MAN2A2: variants seen among roughly 807,000 people sequenced by gnomAD.
MAN2A2 encodes mannosidase alpha class 2A member 2.
MAN2A2 carries 79 observed loss-of-function variants against 126.8 expected under a neutral mutation model. The observed-to-expected ratio is 0.62, with a 90% CI of 0.52 to 0.75. The LOEUF (loss-of-function observed/expected upper bound fraction) is 0.75. Among genes scored for constraint, MAN2A2 ranks in the 30% least tolerant of loss-of-function variants. The probability of loss-of-function intolerance (pLI) is 0.00; values close to 1 mark genes in which losing one functional copy is unlikely to be tolerated. For synonymous variants in MAN2A2, 671 were observed against 618.7 expected, an observed-to-expected ratio of 1.08 and a Z score of -1.25; for missense variants, 1,392 against 1,522.4, an observed-to-expected ratio of 0.91 and a Z score of 1.43.
Position 90,921,770 on chromosome 15 carries a change from C to T in MAN2A2, c.*1983C>T, listed in dbSNP as rs1315516437. ...CCTGTGTCTACTAAAAATACAAAAA[C>T]TAGCCAGGAATGGTGGCGCGCGCCT... On this transcript the variant is annotated 3_prime_UTR_variant, in exon 23 of 23. Transcript: ENST00000559717. The T allele has an allele frequency of 2.6e-5, 4 of 152,070 alleles. No individual in the cohort carries two copies. Among genetic ancestry groups the T allele is most frequent in the African/African-American group, 9.7e-5 (4 of 41,396 alleles). 9.4% of individuals were successfully genotyped at this position (152,070 alleles called of 1,614,324 possible).
chr15:90,913,253 C>A lies in MAN2A2; in HGVS notation c.2585-20C>A, dbSNP rs748111566. 1.9e-6 allele frequency: 3 copies of A among 1,612,696 alleles called. No homozygotes were observed. Among genetic ancestry groups the A allele is most frequent in the Admixed American group, 1.7e-5 (1 of 59,890 alleles). The stretch of plus-strand genomic sequence containing the variant: ...TCAGCCTCACACCTGTCCATGCCCC[C>A]ACTTTGTTCCTGTACCCAGGGGTGG... On this transcript the variant is annotated intron_variant, in intron 17 of 22. Coordinates refer to ENST00000559717, the MANE Select transcript of MAN2A2 (RefSeq NM_006122.4).
Position 90,905,315 on chromosome 15 carries a change from A to C in MAN2A2, c.197A>C (p.Glu66Ala), listed in dbSNP as rs2034178828. 1 of 1,613,788 alleles carries C rather than the reference A, an allele frequency of 6.2e-7. No individual in the cohort carries two copies. The highest frequency in any genetic ancestry group is 1.7e-5 in the Admixed American group (1 of 60,004). ...QLEQLLEENH[E>A]IISHIKDSVL... ...GAGCAGCTTTTGGAGGAGAACCATG[A>C]GATTATCAGCCATATCAAGGACTCC... The change falls in exon 3 of 23, where the codon GAG (glutamate) becomes GCG (alanine). Residue 66 changes from glutamate (E) to alanine (A), a missense_variant. By Grantham distance (107) the Glu-to-Ala change is moderately radical. Coordinates refer to ENST00000559717, the MANE Select transcript of MAN2A2 (RefSeq NM_006122.4).
chr15:90,919,218 A>G (rs971655028), intron 22 of MAN2A2, among the ~76,000 whole-genome samples: 5 of 152,206 alleles, frequency 3.3e-5, no homozygotes, highest in African/African-American at 1.2e-4. Context: ...AATCTCAGCA[A>G]GCCCGTGAGA....
At position 90,920,779 on chromosome 15, in the gene MAN2A2, G is replaced by A. The variant is rs1305637593; in HGVS notation, c.*992G>A. ...TTTAGTCTATCTGCAGAGGTATTCA[G>A]TTCCTGGCACAGGGGACTAGGGGCA... On this transcript the variant is annotated 3_prime_UTR_variant, in exon 23 of 23. Coordinates refer to ENST00000559717, the MANE Select transcript of MAN2A2 (RefSeq NM_006122.4). 1 of 152,236 alleles carries A rather than the reference G, an allele frequency of 6.6e-6. No individual in the cohort carries two copies. The highest frequency in any genetic ancestry group is 1.5e-5 in the Non-Finnish European group (1 of 68,064). The allele number at this position is 152,236 out of a possible 1,614,324, so 9.4% of individuals were successfully genotyped here.
In MAN2A2 at chr15:90,922,366, C is replaced by T. The variant is rs2035580181; in HGVS notation, c.*2579C>T. On this transcript the variant is annotated 3_prime_UTR_variant, in exon 23 of 23. Coordinates refer to ENST00000559717, the MANE Select transcript of MAN2A2 (RefSeq NM_006122.4). The stretch of plus-strand genomic sequence containing the variant: ...CAGTGGAACCCCATTTATATCATAG[C>T]AGAAGAAATAGGATTATCAATGTGA... 1 of 152,146 alleles carries T rather than the reference C, an allele frequency of 6.6e-6. No individual in the cohort carries two copies. Among genetic ancestry groups the T allele is most frequent in the Non-Finnish European group, 1.5e-5 (1 of 68,032 alleles). 9.4% of individuals were successfully genotyped at this position (152,146 alleles called of 1,614,324 possible).
intron 1 of MAN2A2, 66 bp from the exon 2 acceptor site, chr15:90,904,124 A>C: frequency 6.4e-7 from 1 of 1,558,636 alleles, no homozygotes; most frequent in South Asian, 1.1e-5. Flanking sequence ...TCACTGGGGT[A>C]TTTGGTGGAA....
intron 20 of MAN2A2, chr15:90,916,551 C>T: frequency 7.1e-7 from 1 of 1,404,086 alleles, no homozygotes; most frequent in South Asian, 1.2e-5. Context: ...TGTGCTCCAA[C>T]CCCGCTCATC....
rs143693917 is a variant in MAN2A2, at chr15:90,912,081, C to T, written c.2148C>T (p.Gly716=). The part of the protein sequence containing the change: ...VPVRLPALGL[G]VLQLQLGLDG... ...TCCGCCTGCCAGCCCTGGGCCTGGGCGTGCTGCAGCTACAGCTGGGCCTGG... is the reference window on the plus strand; with the variant it reads ...TCCGCCTGCCAGCCCTGGGCCTGGGTGTGCTGCAGCTACAGCTGGGCCTGG... Residue 716 remains glycine (G), a synonymous_variant, in exon 15 of 23, where the codon GGC becomes GGT. Transcript: ENST00000559717. 1.9e-5 allele frequency: 30 copies of T among 1,612,916 alleles called. No homozygotes were observed. The highest frequency in any genetic ancestry group is 5.5e-5 in the South Asian group (5 of 91,060).
chr15:90,919,833 C>T lies in MAN2A2; in HGVS notation c.*46C>T. On this transcript the variant is annotated 3_prime_UTR_variant, in exon 23 of 23. Coordinates refer to ENST00000559717, the MANE Select transcript of MAN2A2 (RefSeq NM_006122.4). ...GAAAGTTCATTCACAGAGACTGCCT[C>T]TTAACATGAAGATCATTGGACAAGC... The T allele has an allele frequency of 6.2e-7, 1 of 1,607,446 alleles. No individual in the cohort carries two copies. Among genetic ancestry groups the T allele is most frequent in the South Asian group, 1.1e-5 (1 of 90,598 alleles).
intron 19 of MAN2A2, among the ~76,000 whole-genome samples, chr15:90,914,155 C>A (rs1201640918): frequency 6.6e-6 from 1 of 152,160 alleles, no homozygotes; most frequent in Non-Finnish European, 1.5e-5. Context: ...AAAGCGAGAC[C>A]CAGGCTCTAC....
rs1273658327 is a variant in MAN2A2 at position 90,912,835 on chromosome 15, CCT to C, written c.2470-39_2470-38del. ...CTGGGCTGGCACCTTCCTGCTTTGC[CCT>C]CTGTGCTGTAGTTTCAACAGCAATC... On this transcript the variant is annotated intron_variant, in intron 16 of 22. Coordinates refer to ENST00000559717, the MANE Select transcript of MAN2A2 (RefSeq NM_006122.4). 1.9e-6 allele frequency: 3 copies of C among 1,580,184 alleles called. No homozygotes were observed. The East Asian group carries it at 6.7e-5, about 36-fold the overall frequency.
chr15:90,902,775 GGGGCCGGCGCAGCGGA>G (rs1339926306), upstream of MAN2A2: 3 of 145,986 alleles, frequency 2.1e-5, no homozygotes, highest in Admixed American at 6.8e-5. Flanking sequence ...GGACCCGCGC[GGGGCCGGCGCAGCGGA>G]GCGCGCCGGC....
rs549210535 is a variant in MAN2A2 at position 90,909,584 on chromosome 15, C to G, written c.1374+80C>G. ...CCCGTGAGACCGTGCCCTGGGTTCC[C>G]AACTCGGGCAGGGTGCCCCCCTTTT... On this transcript the variant is annotated intron_variant, in intron 9 of 22. Transcript: ENST00000559717. The G allele has an allele frequency of 3.9e-5, 54 of 1,384,490 alleles. No individual in the cohort carries two copies. In the East Asian group the frequency reaches 1.2e-3, roughly 30 times the overall value. The allele number at this position is 1,384,490 out of a possible 1,614,324, so 85.8% of individuals were successfully genotyped here.
Position 90,905,932 on chromosome 15 carries a change from G to T in MAN2A2, c.623G>T (p.Arg208Leu). 1 of 1,613,192 alleles carries T rather than the reference G, an allele frequency of 6.2e-7. No individual in the cohort carries two copies. The change falls in exon 5 of 23, where the codon CGG becomes CTG. Residue 208 changes from arginine (R) to leucine (L), a missense_variant. Physicochemically the swap from Arg to Leu is moderately radical, Grantham distance 102. Coordinates refer to ENST00000559717, the MANE Select transcript of MAN2A2 (RefSeq NM_006122.4). ...SMVSKLQEDP[R>L]RRFLWAEVSF... ...GTGTCTAAGCTGCAGGAGGACCCCC[G>T]GCGGCGCTTCCTCTGGGCAGAGGTC...
Position 90,912,052 on chromosome 15 carries a change from C to A in MAN2A2, c.2119C>A (p.Pro707Thr). Residue 707 changes from proline to threonine, a missense_variant, in exon 15 of 23, where the codon CCT becomes ACT. Transcript: ENST00000559717. ...CCTCCTGTGCCCACAGGTGTCTGTG[C>A]CTGTCCGCCTGCCAGCCCTGGGCCT... ...AVPDVYQVSVPVRLPALGLGV... is the reference protein window; with the variant it reads ...AVPDVYQVSVTVRLPALGLGV... 6.2e-7 allele frequency: 1 copy of A among 1,611,766 alleles called. No homozygotes were observed.
chr15:90,906,627 A>T, intron 6 of MAN2A2, 113 bp from the exon 7 acceptor site: 4 of 1,562,158 alleles, frequency 2.6e-6, no homozygotes, highest in Non-Finnish European at 3.5e-6. Flanking sequence ...CTGGTGTGAT[A>T]TCATCTCTCC....
intron 22 of MAN2A2, 30 bp from the exon 23 acceptor site, chr15:90,919,605 A>C (rs756243432): frequency 3.7e-6 from 6 of 1,610,400 alleles, no homozygotes; most frequent in Non-Finnish European, 5.1e-6. Context: ...GGCACCTAGC[A>C]CAACCCTGCC....
chr15:90,909,630 G>A (rs1361592481), intron 9 of MAN2A2, 126 bp downstream of exon 9: 2 of 892,816 alleles, frequency 2.2e-6, no homozygotes, highest in Non-Finnish European at 3.2e-6. Context: ...TTGAGATGGA[G>A]TCTCACTCTG....
chr15:90,904,433 G>A, intron 2 of MAN2A2, 94 bp downstream of exon 2: 3 of 1,288,322 alleles, frequency 2.3e-6, no homozygotes, highest in African/African-American at 2.0e-5. Flanking sequence ...CCCACCCCCC[G>A]CTGGAGGGTA....
Sources: gnomAD v4.1 joint callset for allele counts (sites outside exome capture counted in the v4.1 genomes callset) on GRCh38, gnomAD v4.1.1 for gene constraint, MANE v1.5 for transcripts, NCBI Gene and HGNC (gene_info 2026-07-23, HGNC 2026-07-21) for gene names.